AKT1S1: variants seen among roughly 807,000 people sequenced by gnomAD.
AKT1S1 encodes the protein AKT1 substrate 1.
AKT1S1 carries 17 observed loss-of-function variants against 21.2 expected under a neutral mutation model. The observed-to-expected ratio is 0.80, with a 90% CI of 0.55 to 1.20. The LOEUF is 1.20. Among genes scored for constraint, AKT1S1 ranks in the 50% most tolerant of loss-of-function variants. The probability of loss-of-function intolerance (pLI) is 0.00; values close to 1 mark genes in which losing one functional copy is unlikely to be tolerated. For synonymous variants in AKT1S1, 181 were observed against 165.6 expected (o/e 1.09, Z -0.72); for missense variants, 366 against 368.3 (o/e 0.99, Z 0.05).
At chr19:49,870,289 C>T (rs1262390417) in intron 4 of AKT1S1, among the ~76,000 whole-genome samples, 1 of 152,220 alleles carries the variant, frequency 6.6e-6, no homozygotes, top group Non-Finnish European at 1.5e-5. Context: ...CTGCCCCTCT[C>T]CCTCTCCCCT....
In AKT1S1 at chr19:49,869,864, G is replaced by A; in HGVS notation, c.*53C>T. The A allele has an allele frequency of 1.4e-6, 2 of 1,405,228 alleles. No individual in the cohort carries two copies. Among genetic ancestry groups the A allele is most frequent in the South Asian group, 1.5e-5 (1 of 67,054 alleles). 87.0% of individuals were successfully genotyped at this position (1,405,228 alleles called of 1,614,324 possible). On this transcript the variant is annotated 3_prime_UTR_variant, in exon 5 of 5. Coordinates refer to ENST00000344175, the MANE Select transcript of AKT1S1 (RefSeq NM_001098633.4). ...TTAGCAGGCCCCGGGAGTGGGGCGG[G>A]GGCGTAGTGTGGGACGGGGCGGACG...
chr19:49,871,791 G>C (rs2074887848), intron 3 of AKT1S1, 21 bp downstream of exon 3: 1 of 1,611,632 alleles, frequency 6.2e-7, no homozygotes, highest in Admixed American at 1.7e-5. Flanking sequence ...GGTCGGGAGG[G>C]GAACAGCCTG....
chr19:49,876,612 G>C, intron 1 of AKT1S1: 2 of 1,531,408 alleles, frequency 1.3e-6, no homozygotes, highest in South Asian at 1.2e-5. Context: ...CGTGCCCGTA[G>C]CCAGCATGGC....
intron 1 of AKT1S1, chr19:49,876,772 GT>G (rs1300539694): frequency 2.0e-5 from 24 of 1,218,300 alleles, no homozygotes; most frequent in Non-Finnish European, 2.4e-5. Context: ...ATCCGAACCA[GT>G]TGACAAGGGT....
intron 2 of AKT1S1, among the ~76,000 whole-genome samples, chr19:49,872,426 C>T (rs985687159): frequency 6.6e-6 from 1 of 152,188 alleles, no homozygotes; most frequent in Admixed American, 6.5e-5. Flanking sequence ...AAAGCCCTAG[C>T]GTTACAGTCC....
chr19:49,877,669 A>G (rs2074965820), upstream of AKT1S1: 1 of 1,582,736 alleles, frequency 6.3e-7, no homozygotes. Flanking sequence ...CGGAAGTGAC[A>G]ACACGCTGAC....
chr19:49,876,657 G>C, intron 1 of AKT1S1: 1 of 1,495,740 alleles, frequency 6.7e-7, no homozygotes, highest in Non-Finnish European at 9.0e-7. Flanking sequence ...AAAAGACATG[G>C]CGGCGCCTTG....
At position 49,869,525 on chromosome 19, in the gene AKT1S1, G is replaced by A. The variant is rs532044079; in HGVS notation, c.*392C>T. On this transcript the variant is annotated 3_prime_UTR_variant, in exon 5 of 5. Transcript: ENST00000344175. Reference sequence around the variant, plus strand: ...GTAGAGACTGGTCAAGCCCTTTACAGGATTTGAGCCAATCAAAAAAAGAGC... The same window carrying A: ...GTAGAGACTGGTCAAGCCCTTTACAAGATTTGAGCCAATCAAAAAAAGAGC... 4.7e-4 allele frequency: 78 copies of A among 167,046 alleles called. 1 individual carries two copies. In the Middle Eastern group the frequency reaches 0.011, roughly 23 times the overall value. The allele number at this position is 167,046 out of a possible 1,614,324, so 10.3% of individuals were successfully genotyped here. A position where few individuals can be genotyped will look rare whatever the true frequency, so the allele number is the denominator to read the frequency against.
Position 49,873,391 on chromosome 19 carries a change from G to T in AKT1S1, c.-7-89C>A, listed in dbSNP as rs960371185. On this transcript the variant is annotated intron_variant, in intron 1 of 4. Coordinates refer to ENST00000344175, the MANE Select transcript of AKT1S1 (RefSeq NM_001098633.4). The surrounding 1 kb of genome is among the most constrained non-coding windows in gnomAD (Gnocchi z 6.9). ...AGAGTGCCCGCCCGTCCCCTGGATGGCACTCACCACCCTCCACCCACCTTG... is the reference window on the plus strand; with the variant it reads ...AGAGTGCCCGCCCGTCCCCTGGATGTCACTCACCACCCTCCACCCACCTTG... 1.5e-6 allele frequency: 2 copies of T among 1,368,496 alleles called. No individual in the cohort carries two copies. The highest frequency in any genetic ancestry group is 1.9e-6 in the Non-Finnish European group (2 of 1,067,466). 84.8% of individuals were successfully genotyped at this position (1,368,496 alleles called of 1,614,324 possible).
chr19:49,877,839 G>A (rs780652306), upstream of AKT1S1: 2 of 1,434,264 alleles, frequency 1.4e-6, no homozygotes, highest in Non-Finnish European at 1.9e-6. Context: ...TCGAGAATCC[G>A]GCACGGCCTT....
chr19:49,874,082 GC>G (rs2074915602), intron 1 of AKT1S1: 1 of 152,470 alleles, frequency 6.6e-6, no homozygotes, highest in Non-Finnish European at 1.5e-5. Context: ...TGCCTCCACG[GC>G]CTTCCAGAGC....
intron 1 of AKT1S1, among the ~76,000 whole-genome samples, chr19:49,875,465 T>C (rs991681399): frequency 2.0e-5 from 3 of 152,100 alleles, no homozygotes; most frequent in African/African-American, 7.2e-5. Flanking sequence ...AAAACCCCAC[T>C]GAACTGGGGG....
chr19:49,874,269 C>T (rs968049990), intron 1 of AKT1S1: 1 of 152,352 alleles, frequency 6.6e-6, no homozygotes, highest in African/African-American at 2.4e-5. Context: ...TCCCAGCACA[C>T]TTCCTTCCAG....
In AKT1S1 at chr19:49,871,839, A is replaced by G; in HGVS notation, c.430T>C (p.Cys144Arg). The stretch of plus-strand genomic sequence containing the variant: ...TCTGTACTCTCGGGGTCTGACTCAC[A>G]GAAGGGGGGAAGGTCCTGGAGGGTG... Reference protein sequence around the residue: ...DATLQDLPPFCESDPESTDDG... With the variant: ...DATLQDLPPFRESDPESTDDG... The change falls in exon 3 of 5, where the codon TGT becomes CGT. Residue 144 changes from cysteine to arginine, a missense_variant. Coordinates refer to ENST00000344175, the MANE Select transcript of AKT1S1 (RefSeq NM_001098633.4). The G allele has an allele frequency of 6.2e-7, 1 of 1,610,928 alleles. No homozygotes were observed. Among genetic ancestry groups the G allele is most frequent in the Non-Finnish European group, 8.5e-7 (1 of 1,179,136 alleles).
rs2074934928 is a variant in AKT1S1 at position 49,875,869 on chromosome 19, CT to C, written c.-8+1367del. On this transcript the variant is annotated intron_variant, in intron 1 of 4. Transcript: ENST00000344175. ...GAGTAGCCAAGACCTGGGGGTCCTC[CT>C]TACCCTTCAGCTTCTAGAGGAGGTC... The C allele has an allele frequency of 3.0e-6, 3 of 985,400 alleles. No individual in the cohort carries two copies. In the South Asian group the frequency reaches 1.4e-4, roughly 46 times the overall value. The allele number at this position is 985,400 out of a possible 1,614,324, so 61.0% of individuals were successfully genotyped here.
At chr19:49,875,849 G>C in intron 1 of AKT1S1, 1 of 985,436 alleles carries the variant, frequency 1.0e-6, no homozygotes, top group Non-Finnish European at 1.2e-6. Flanking sequence ...CAGGAGAGTA[G>C]CCAAGACCTG....
chr19:49,870,122 C>T, intron 4 of AKT1S1, 62 bp from the exon 5 acceptor site: 6 of 1,424,294 alleles, frequency 4.2e-6, no homozygotes, highest in Non-Finnish European at 5.5e-6. Flanking sequence ...CACCCACACG[C>T]GGTCCAGGGG....
chr19:49,871,923 G>T, intron 2 of AKT1S1, 34 bp from the exon 3 acceptor site: 7 of 1,604,108 alleles, frequency 4.4e-6, no homozygotes, highest in Non-Finnish European at 6.0e-6. Context: ...CCCAGGCCAG[G>T]CAGCACCTAG....
chr19:49,875,866 C>T, intron 1 of AKT1S1: 1 of 985,420 alleles, frequency 1.0e-6, no homozygotes, highest in Non-Finnish European at 1.2e-6. Context: ...CCTGGGGGTC[C>T]TCCTTACCCT....
Sources: gnomAD v4.1 joint callset for allele counts (sites outside exome capture counted in the v4.1 genomes callset) on GRCh38, gnomAD v4.1.1 for gene constraint, Gnocchi (gnomAD v3.1) non-coding constraint, MANE v1.5 for transcripts, NCBI Gene and HGNC (gene_info 2026-07-23, HGNC 2026-07-21) for gene names.